The following GNAO1 variants were observed in gnomAD, a reference collection of about 807,000 sequenced individuals.
GNAO1 encodes G protein subunit alpha o1.
For missense variants in GNAO1, 166 were observed against 478.7 expected (o/e 0.35, Z 6.10); for synonymous variants, 164 against 180.7 (o/e 0.91, Z 0.74).
chr16:56,282,816 A>G (rs1485912573), intron 3 of GNAO1, among the ~76,000 whole-genome samples: 8 of 152,246 alleles, frequency 5.3e-5, no homozygotes, highest in African/African-American at 1.9e-4. Flanking sequence ...ACGTAGATCC[A>G]GAGATTCTGT....
chr16:56,355,095 C>T lies in GNAO1; in HGVS notation c.*28+14C>T, dbSNP rs751194547. On this transcript the variant is annotated intron_variant, in intron 8 of 8. Coordinates refer to ENST00000262493, the MANE Select transcript of GNAO1 (RefSeq NM_020988.3). ...GCAACCTATTTGGTAATGATTCCAG[C>T]ACCCACAGAACAGCTTGCGTGCGCG... 3 of 1,342,764 alleles carry T rather than the reference C, an allele frequency of 2.2e-6. No individual in the cohort carries two copies. Among genetic ancestry groups the T allele is most frequent in the Non-Finnish European group, 3.2e-6 (3 of 945,728 alleles). The allele number at this position is 1,342,764 out of a possible 1,614,324, so 83.2% of individuals were successfully genotyped here.
rs1596799539 is a variant in GNAO1, at chr16:56,212,738, G to A, written c.161+20122G>A. Among the ~76,000 whole-genome samples the A allele has an allele frequency of 2.0e-5, 3 of 152,246 alleles. No individual in the cohort carries two copies. The South Asian group carries it at 6.2e-4, about 32-fold the overall frequency. On this transcript the variant is annotated intron_variant, in intron 2 of 8. Coordinates refer to ENST00000262493, the MANE Select transcript of GNAO1 (RefSeq NM_020988.3). ...ATACAGATGTAAGTGATGGTGACAA[G>A]GTCGCTGTTGTGCTATGTGGGTGCT...
intron 2 of GNAO1, among the ~76,000 whole-genome samples, chr16:56,196,452 A>G (rs576244053): frequency 4.5e-4 from 69 of 152,342 alleles, no homozygotes; most frequent in Middle Eastern, 6.8e-3. Context: ...AAACCCTTAC[A>G]AAGAAATCCC....
At chr16:56,223,411 C>T (rs1312890842) in intron 2 of GNAO1, among the ~76,000 whole-genome samples, 1 of 152,242 alleles carries the variant, frequency 6.6e-6, no homozygotes, top group Admixed American at 6.5e-5. Flanking sequence ...CTCTCTTTCT[C>T]TGATCCAGCC....
chr16:56,225,196 C>T (rs534429618), intron 2 of GNAO1, among the ~76,000 whole-genome samples: 6 of 152,314 alleles, frequency 3.9e-5, no homozygotes, highest in Middle Eastern at 3.4e-3. Flanking sequence ...ATCAGGGCTT[C>T]GTTGTCTGTT....
chr16:56,285,507 C>A (rs1257956029), intron 3 of GNAO1, among the ~76,000 whole-genome samples: 2 of 152,148 alleles, frequency 1.3e-5, no homozygotes, highest in Non-Finnish European at 2.9e-5. Context: ...GTACCTGTTT[C>A]AAGGTGGCAA....
intron 3 of GNAO1, among the ~76,000 whole-genome samples, chr16:56,287,066 C>T (rs2037179111): frequency 6.6e-6 from 1 of 152,200 alleles, no homozygotes; most frequent in African/African-American, 2.4e-5. Context: ...CTGCTGCTCC[C>T]ATGGCAGCCT....
At chr16:56,268,384 A>G (rs1021603272) in intron 2 of GNAO1, among the ~76,000 whole-genome samples, 6 of 152,222 alleles carry the variant, frequency 3.9e-5, no homozygotes, top group Non-Finnish European at 8.8e-5. Flanking sequence ...TCTGGAAGGG[A>G]GGGACCAGGC....
chr16:56,243,338 T>G (rs915426795), intron 2 of GNAO1, among the ~76,000 whole-genome samples: 2 of 152,080 alleles, frequency 1.3e-5, no homozygotes, highest in African/African-American at 2.4e-5. Context: ...TCCAAAAAGG[T>G]TGGGGACTGC....
chr16:56,217,717 A>T (rs2036448448), intron 2 of GNAO1, among the ~76,000 whole-genome samples: 1 of 152,212 alleles, frequency 6.6e-6, no homozygotes, highest in South Asian at 2.1e-4. Context: ...TACAGATGGG[A>T]AAACTAAAAC....
At chr16:56,309,050 T>C (rs2037428544) in intron 3 of GNAO1, among the ~76,000 whole-genome samples, 1 of 152,150 alleles carries the variant, frequency 6.6e-6, no homozygotes, top group South Asian at 2.1e-4. Context: ...ACTTGGTTTC[T>C]ATGGCTCCCC....
chr16:56,284,432 A>T (rs2037145064), intron 3 of GNAO1, among the ~76,000 whole-genome samples: 1 of 152,256 alleles, frequency 6.6e-6, no homozygotes, highest in South Asian at 2.1e-4. Flanking sequence ...ACTTTGGCCC[A>T]GGATGGCAGC....
At chr16:56,286,914 C>T (rs1196055273) in intron 3 of GNAO1, among the ~76,000 whole-genome samples, 3 of 152,056 alleles carry the variant, frequency 2.0e-5, no homozygotes, top group East Asian at 1.9e-4. Flanking sequence ...CACCAGCCGC[C>T]CACAGATCTC....
rs1465674233 is a variant in GNAO1 at position 56,326,945 on chromosome 16, A to G, written c.304-1686A>G. On this transcript the variant is annotated intron_variant, in intron 3 of 8. Coordinates refer to ENST00000262493, the MANE Select transcript of GNAO1 (RefSeq NM_020988.3). This position sits in a 1 kb window ranked among gnomAD's most constrained non-coding sequence, Gnocchi z 4.8. ...GCTCTCGGCACAGGTGGGTCTGATCATAGAGGCTGGGCCTGGAGTCCGAAG... is the reference window on the plus strand; with the variant it reads ...GCTCTCGGCACAGGTGGGTCTGATCGTAGAGGCTGGGCCTGGAGTCCGAAG... 2.0e-5 allele frequency among the ~76,000 whole-genome samples: 3 copies of G among 152,144 alleles called. No individual in the cohort carries two copies. The highest frequency in any genetic ancestry group is 7.2e-5 in the African/African-American group (3 of 41,438).
intron 6 of GNAO1, chr16:56,345,236 C>G (rs1005572648): frequency 1.0e-6 from 1 of 985,412 alleles, no homozygotes; most frequent in Non-Finnish European, 1.2e-6. Context: ...CTGAGGCCAA[C>G]GCCCACACCC....
chr16:56,235,613 C>T (rs1368681700), intron 2 of GNAO1, among the ~76,000 whole-genome samples: 2 of 152,206 alleles, frequency 1.3e-5, no homozygotes, highest in South Asian at 2.1e-4. Context: ...TAACATGGGA[C>T]TTGGGTGGAA....
chr16:56,279,355 G>A (rs1314275660), intron 3 of GNAO1, among the ~76,000 whole-genome samples: 2 of 152,164 alleles, frequency 1.3e-5, no homozygotes, highest in Non-Finnish European at 2.9e-5. Context: ...GCGTGAGCCT[G>A]AACCTGAAAG....
intron 2 of GNAO1, chr16:56,255,532 T>C (rs1396471787): frequency 6.6e-6 from 1 of 152,252 alleles, no homozygotes; most frequent in Non-Finnish European, 1.5e-5. Flanking sequence ...CAATATGTTC[T>C]TTCTGTCTGG....
chr16:56,261,402 A>G (rs1299881361), intron 2 of GNAO1, among the ~76,000 whole-genome samples: 1 of 152,194 alleles, frequency 6.6e-6, no homozygotes, highest in Non-Finnish European at 1.5e-5. Flanking sequence ...CTGGAGAATG[A>G]GGGATTCTGT....
Sources: allele counts gnomAD v4.1 joint callset (sites outside exome capture counted in the v4.1 genomes callset), GRCh38; gene constraint gnomAD v4.1.1; non-coding constraint Gnocchi (gnomAD v3.1); transcripts MANE v1.5; gene names NCBI Gene and HGNC (gene_info 2026-07-23, HGNC 2026-07-21).